Variants in MYPN observed in about 807,000 individuals in gnomAD.
MYPN encodes the protein sarcomeric protein myopalladin, 145 kDa (MYOP).
In MYPN, 63 loss-of-function variants were observed where a neutral mutation model predicts 129.4. The observed-to-expected ratio is 0.49, with a 90% CI of 0.40 to 0.60. The LOEUF is 0.60. Ranked by LOEUF, MYPN falls within the 20% of genes least tolerant of loss-of-function variation. The pLI, the probability that MYPN is intolerant of heterozygous loss-of-function variation, is 0.00. For synonymous variants in MYPN, 629 were observed against 600.9 expected (o/e 1.05, Z -0.68); for missense variants, 1,596 against 1,635.4 (o/e 0.98, Z 0.42).
In MYPN at chr10:68,142,587, G is replaced by A. The variant is rs565635232; in HGVS notation, c.903-353G>A. ...ATCTCTTAGATTCTCTCATATAAGC[G>A]AATGTAGCACTTAATGCATATGATA... On this transcript the variant is annotated intron_variant, in intron 2 of 19. Transcript: ENST00000358913. Among the ~76,000 whole-genome samples, 5 of 152,304 alleles carry A rather than the reference G, an allele frequency of 3.3e-5. No homozygotes were observed. The East Asian group carries it at 7.7e-4, about 24-fold the overall frequency.
intron 1 of MYPN, among the ~76,000 whole-genome samples, chr10:68,112,588 G>A (rs553011794): frequency 1.1e-3 from 166 of 152,020 alleles, no homozygotes; most frequent in Non-Finnish European, 1.9e-3. Context: ...ATCTCTGCTC[G>A]GCCTCTTTAT....
intron 18 of MYPN, among the ~76,000 whole-genome samples, chr10:68,204,876 C>T (rs1022536400): frequency 6.6e-6 from 1 of 152,072 alleles, no homozygotes; most frequent in Non-Finnish European, 1.5e-5. Flanking sequence ...CTAGTCCCCC[C>T]ACTTGCCAGT....
At position 68,142,977 on chromosome 10, in the gene MYPN, G is replaced by C. The variant is rs769252463; in HGVS notation, c.940G>C (p.Asp314His). ...AGGCAAGGAGCTTGAAAATTCCCCA[G>C]ATATTCACATCGTCCAGGCAGGAAA... The part of the protein sequence containing the change: ...CEGKELENSP[D>H]IHIVQAGNLH... The change falls in exon 3 of 20, where the codon GAT becomes CAT. Residue 314 changes from aspartate to histidine, a missense_variant. Transcript: ENST00000358913. 6.2e-7 allele frequency: 1 copy of C among 1,614,140 alleles called. No individual in the cohort carries two copies. Among genetic ancestry groups the C allele is most frequent in the South Asian group, 1.1e-5 (1 of 91,080 alleles).
intron 19 of MYPN, among the ~76,000 whole-genome samples, chr10:68,209,881 C>T (rs1463598815): frequency 6.6e-6 from 1 of 151,832 alleles, no homozygotes; most frequent in Non-Finnish European, 1.5e-5. Flanking sequence ...TTAGTAGAAA[C>T]TGGGTTTCGC....
chr10:68,159,823 A>G (rs1906721), intron 7 of MYPN, among the ~76,000 whole-genome samples: 117,047 of 152,080 alleles, frequency 0.77, 45,889 homozygotes, highest in African/African-American at 0.86. Flanking sequence ...TAATGAACAT[A>G]TATAACTTTT....
At chr10:68,111,571 A>G (rs766765842) in intron 1 of MYPN, among the ~76,000 whole-genome samples, 1 of 152,230 alleles carries the variant, frequency 6.6e-6, no homozygotes, top group Admixed American at 6.5e-5. Context: ...TAAAACTACT[A>G]TAACATTACC....
intron 19 of MYPN, 42 bp from the exon 20 acceptor site, chr10:68,210,244 G>T (rs1438789883): frequency 1.2e-6 from 2 of 1,609,682 alleles, no homozygotes; most frequent in Non-Finnish European, 1.7e-6. Context: ...ATGCTGGACT[G>T]CATTCCTTTG....
Position 68,122,186 on chromosome 10 carries a change from A to C in MYPN, c.748A>C (p.Thr250Pro), listed in dbSNP as rs770824805. The C allele has an allele frequency of 3.7e-6, 6 of 1,609,916 alleles. No homozygotes were observed. In the East Asian group the frequency reaches 1.3e-4, roughly 36 times the overall value. The change falls in exon 2 of 20, where the codon ACT (threonine) becomes CCT (proline). Residue 250 changes from threonine to proline, a missense_variant. Coordinates refer to ENST00000358913, the MANE Select transcript of MYPN (RefSeq NM_032578.4). ...TGCCAGTGAGGCGGCTGGTGGAGAC[A>C]CTACACCAGGGTCTTCCCCTTCATC... ...QAASEAAGGD[T>P]TPGSSPSSLY...
At chr10:68,169,169 CTCCG>C (rs1564676973) in intron 10 of MYPN, among the ~76,000 whole-genome samples, 1 of 112,672 alleles carries the variant, frequency 8.9e-6, no homozygotes, top group African/African-American at 3.9e-5. Context: ...CACGGTGAAA[CTCCG>C]TCTCTACTAA....
At chr10:68,181,176 G>GA (rs2043307582) in intron 12 of MYPN, among the ~76,000 whole-genome samples, 4 of 152,168 alleles carry the variant, frequency 2.6e-5, no homozygotes, top group Admixed American at 2.6e-4. Context: ...TGAGGCAAGG[G>GA]AAAATGGAGA....
chr10:68,174,682 G>A (rs1037396157), intron 11 of MYPN, 26 bp downstream of exon 11: 17 of 1,604,528 alleles, frequency 1.1e-5, no homozygotes, highest in Non-Finnish European at 1.4e-5. Flanking sequence ...GTTTCTTGAT[G>A]TAAGATGCTA....
upstream of MYPN, among the ~76,000 whole-genome samples, chr10:68,101,388 T>G (rs188341490): frequency 1.3e-5 from 2 of 152,344 alleles, no homozygotes; most frequent in African/African-American, 4.8e-5. Context: ...GTGGTTTGTA[T>G]TTCATAAGAT....
Position 68,122,237 on chromosome 10 carries a change from C to T in MYPN, c.799C>T (p.Gln267Ter), listed in dbSNP as rs2042256369. 1 of 1,612,120 alleles carries T rather than the reference C, an allele frequency of 6.2e-7. No homozygotes were observed. ...TCTGTACTATGAAGAACCTCTGGGG[C>T]AACCTCCCCGGTTCACTCAAAAGTT... is the stretch of plus-strand genomic sequence containing the variant. Reference protein sequence around the residue: ...SSLYYEEPLGQPPRFTQKLRS... With the variant: ...SSLYYEEPLG Residue 267 changes from glutamine (Q) to a stop codon, truncating the protein, a stop_gained, in exon 2 of 20, where the codon CAA becomes TAA. Transcript: ENST00000358913. LOFTEE classifies it high-confidence loss of function.
intron 1 of MYPN, among the ~76,000 whole-genome samples, chr10:68,114,547 C>A (rs2042128391): frequency 6.6e-6 from 1 of 152,006 alleles, no homozygotes; most frequent in African/African-American, 2.4e-5. Context: ...CAGGGTTTCA[C>A]CATGTTGACC....
At chr10:68,097,206 A>G (rs1165084645) in intron 1 of MYPN, among the ~76,000 whole-genome samples, 3 of 152,220 alleles carry the variant, frequency 2.0e-5, no homozygotes, top group South Asian at 4.1e-4. Context: ...TGCTCTGTAC[A>G]AGATGTAAGT....
intron 2 of MYPN, among the ~76,000 whole-genome samples, chr10:68,129,913 A>T (rs545181709): frequency 6.6e-6 from 1 of 152,246 alleles, no homozygotes; most frequent in East Asian, 1.9e-4. Context: ...TTTTTGTAGC[A>T]TTTTGGATTA....
chr10:68,100,917 C>T (rs2041978875), intron 1 of MYPN, among the ~76,000 whole-genome samples: 2 of 152,248 alleles, frequency 1.3e-5, no homozygotes, highest in African/African-American at 4.8e-5. Context: ...AAAATCATAA[C>T]CATTAATGAC....
intron 2 of MYPN, among the ~76,000 whole-genome samples, chr10:68,123,721 A>ATAAG (rs1267863317): frequency 1.4e-5 from 2 of 139,632 alleles, no homozygotes; most frequent in African/African-American, 5.1e-5. Flanking sequence ...AAATAAATAA[A>ATAAG]TAAGTATAAT....
intron 12 of MYPN, among the ~76,000 whole-genome samples, chr10:68,181,368 T>C (rs946360426): frequency 3.9e-5 from 6 of 152,088 alleles, no homozygotes; most frequent in African/African-American, 1.4e-4. Flanking sequence ...CTCGGCTCAC[T>C]GCAATCTCCG....
Sources: allele counts gnomAD v4.1 joint callset (sites outside exome capture counted in the v4.1 genomes callset), GRCh38; gene constraint gnomAD v4.1.1; transcripts MANE v1.5; gene names NCBI Gene and HGNC (gene_info 2026-07-23, HGNC 2026-07-21).